STIM1: variants seen among roughly 807,000 people sequenced by gnomAD.
STIM1 encodes the protein stromal interaction molecule 1.
In STIM1, 25 loss-of-function variants were observed where a neutral mutation model predicts 74.7. That is an observed-to-expected ratio of 0.33 (90% CI 0.24 to 0.47). STIM1 has a LOEUF of 0.47. Ranked by LOEUF, STIM1 falls within the 20% of genes least tolerant of loss-of-function variation. The pLI, the probability that STIM1 is intolerant of heterozygous loss-of-function variation, is 1.00. For synonymous variants in STIM1, 328 were observed against 348.8 expected (o/e 0.94, Z 0.66); for missense variants, 728 against 920.8 (o/e 0.79, Z 2.71).
intron 1 of STIM1, among the ~76,000 whole-genome samples, chr11:3,876,091 A>G (rs956597950): frequency 5.9e-5 from 9 of 152,078 alleles, no homozygotes; most frequent in South Asian, 2.1e-4. Context: ...CTGTTCCCCT[A>G]TGTGTTAAAG....
At position 3,895,682 on chromosome 11, in the gene STIM1, C is replaced by CTTT. The variant is rs1491345529; in HGVS notation, c.139+39273_139+39274insTTT. 5.1e-3 allele frequency among the ~76,000 whole-genome samples: 218 copies of CTTT among 42,572 alleles called. 18 individuals carry two copies. The highest frequency in any genetic ancestry group is 0.014 in the East Asian group (16 of 1,172). 27.9% of individuals were successfully genotyped at this position (42,572 alleles called of 152,430 possible). A position where few individuals can be genotyped will look rare whatever the true frequency, so the allele number is the denominator to read the frequency against. On this transcript the variant is annotated intron_variant, in intron 1 of 12. Coordinates refer to ENST00000526596, the MANE Select transcript of STIM1 (RefSeq NM_001382567.1). Reference sequence around the variant, plus strand: ...TCTTTCTTTCTTTCTTTCCTTCCTTCCTTCTTTCTTTCTTTCTTTCTTTCT... The same window carrying CTTT: ...TCTTTCTTTCTTTCTTTCCTTCCTTCTTTCTTCTTTCTTTCTTTCTTTCTTTCT...
intron 2 of STIM1, among the ~76,000 whole-genome samples, chr11:4,018,513 T>C (rs968088001): frequency 7.5e-6 from 1 of 133,260 alleles, no homozygotes; most frequent in Admixed American, 7.9e-5. Context: ...GGAGTGGTGG[T>C]GCATGCCTGT....
At chr11:3,936,459 G>A (rs1220724653) in intron 1 of STIM1, among the ~76,000 whole-genome samples, 1 of 152,210 alleles carries the variant, frequency 6.6e-6, no homozygotes, top group Non-Finnish European at 1.5e-5. Context: ...ACAGTTCCAG[G>A]ACCCAAAGAA....
chr11:3,957,271 T>A (rs761056788), intron 1 of STIM1, among the ~76,000 whole-genome samples: 13 of 152,110 alleles, frequency 8.5e-5, no homozygotes, highest in Non-Finnish European at 1.3e-4. Context: ...TTATTATTAT[T>A]TTTGAGACAG....
In STIM1 at chr11:4,056,228, A is replaced by G. The variant is rs569847367; in HGVS notation, c.497+591A>G. ...GGAGAGGCTGATTGCCATTGGCCCCAGCCTCATCTCTGGGATGGCTCCAAC... is the reference window on the plus strand; with the variant it reads ...GGAGAGGCTGATTGCCATTGGCCCCGGCCTCATCTCTGGGATGGCTCCAAC... On this transcript the variant is annotated intron_variant, in intron 4 of 12. Coordinates refer to ENST00000526596, the MANE Select transcript of STIM1 (RefSeq NM_001382567.1). Among the ~76,000 whole-genome samples the G allele has an allele frequency of 2.6e-5, 4 of 152,304 alleles. No individual in the cohort carries two copies. In the South Asian group the frequency reaches 8.3e-4, roughly 32 times the overall value.
At chr11:3,904,769 A>C (rs16929659) in intron 1 of STIM1, among the ~76,000 whole-genome samples, 3 of 152,086 alleles carry the variant, frequency 2.0e-5, no homozygotes. Flanking sequence ...CATGGAATAC[A>C]AGAGAGAGAG....
intron 3 of STIM1, among the ~76,000 whole-genome samples, chr11:4,027,173 T>A (rs572685776): frequency 6.6e-6 from 1 of 152,264 alleles, no homozygotes; most frequent in South Asian, 2.1e-4. Flanking sequence ...AGGACAAAGA[T>A]CTGCCAAATT....
chr11:3,973,211 C>A, intron 2 of STIM1: 1 of 451,632 alleles, frequency 2.2e-6, no homozygotes, highest in South Asian at 1.7e-5. Context: ...TGGCTGCTAC[C>A]AAAGTCACCA....
intron 3 of STIM1, among the ~76,000 whole-genome samples, chr11:4,044,984 A>G (rs2094178884): frequency 1.3e-5 from 2 of 152,162 alleles, no homozygotes; most frequent in East Asian, 3.8e-4. Flanking sequence ...ACGAAGGATT[A>G]TCTCATCTAA....
At chr11:3,996,505 C>G (rs1363385762) in intron 2 of STIM1, among the ~76,000 whole-genome samples, 3 of 152,210 alleles carry the variant, frequency 2.0e-5, no homozygotes, top group Admixed American at 6.5e-5. Flanking sequence ...ATCAGAAATG[C>G]TAATATCCTG....
chr11:4,025,916 C>T (rs1018052164), intron 3 of STIM1, among the ~76,000 whole-genome samples: 2 of 152,152 alleles, frequency 1.3e-5, no homozygotes, highest in Non-Finnish European at 2.9e-5. Context: ...ATGTAGTTCA[C>T]AGCTGAGAAA....
At chr11:4,060,059 A>G (rs2094320019) in intron 5 of STIM1, among the ~76,000 whole-genome samples, 1 of 152,138 alleles carries the variant, frequency 6.6e-6, no homozygotes, top group South Asian at 2.1e-4. Context: ...ACCAAGGAGG[A>G]CTAAGTGGGT....
chr11:3,888,899 T>C (rs1361062462), intron 1 of STIM1, among the ~76,000 whole-genome samples: 3 of 152,018 alleles, frequency 2.0e-5, no homozygotes, highest in Non-Finnish European at 2.9e-5. Context: ...TGAATTGTTC[T>C]TGTGTTTTTC....
intron 4 of STIM1, among the ~76,000 whole-genome samples, chr11:4,056,831 A>G (rs534577932): frequency 1.3e-5 from 2 of 152,274 alleles, no homozygotes; most frequent in South Asian, 2.1e-4. Flanking sequence ...GAGTATCCCA[A>G]CCTTTGGGTG....
rs903882697 is a variant in STIM1, at chr11:4,027,414, C to T, written c.385+3427C>T. 2.1e-4 allele frequency among the ~76,000 whole-genome samples: 32 copies of T among 152,112 alleles called. 1 individual carries two copies. Among genetic ancestry groups the T allele is most frequent in the African/African-American group, 6.7e-4 (28 of 41,512 alleles). On this transcript the variant is annotated intron_variant, in intron 3 of 12. Transcript: ENST00000526596. ...GCCACCTCCGCCTCCCAGGTTCAAG[C>T]GATTCTCCTGCCTCAGCCTCCCGAG... is the stretch of plus-strand genomic sequence containing the variant.
intron 1 of STIM1, among the ~76,000 whole-genome samples, chr11:3,857,250 ATGTTT>A: frequency 6.6e-6 from 1 of 151,262 alleles, no homozygotes; most frequent in Non-Finnish European, 1.5e-5. Flanking sequence ...GAACACTTTT[ATGTTT>A]TGTTTTGTTT....
chr11:4,025,249 T>C (rs1045162708), intron 3 of STIM1, among the ~76,000 whole-genome samples: 5 of 152,214 alleles, frequency 3.3e-5, no homozygotes, highest in African/African-American at 1.2e-4. Flanking sequence ...ATAATCTATA[T>C]TGTAGATGGG....
chr11:4,016,676 G>A (rs141827813), intron 2 of STIM1, among the ~76,000 whole-genome samples: 10 of 152,282 alleles, frequency 6.6e-5, no homozygotes, highest in Non-Finnish European at 1.2e-4. Flanking sequence ...TAGAGAGGCA[G>A]TAGGCCTTGC....
intron 11 of STIM1, among the ~76,000 whole-genome samples, chr11:4,085,441 A>G (rs1026195594): frequency 3.9e-5 from 6 of 152,326 alleles, no homozygotes; most frequent in African/African-American, 1.4e-4. Flanking sequence ...CTTGGTGCCC[A>G]TGTATCCCTT....
Sources: gnomAD v4.1 joint callset for allele counts (sites outside exome capture counted in the v4.1 genomes callset) on GRCh38, gnomAD v4.1.1 for gene constraint, MANE v1.5 for transcripts, NCBI Gene and HGNC (gene_info 2026-07-23, HGNC 2026-07-21) for gene names.